The following ZFHX4 variants were observed in gnomAD, a reference collection of about 807,000 sequenced individuals.
ZFHX4 encodes the protein zinc finger homeobox protein 4.
A neutral mutation model predicts 267.6 loss-of-function variants in ZFHX4; 56 were observed. That is an observed-to-expected ratio of 0.21 (90% CI 0.17 to 0.26). The LOEUF is 0.26. ZFHX4 is among the 10% of genes least tolerant of loss of function. The pLI, the probability that ZFHX4 is intolerant of heterozygous loss-of-function variation, is 1.00. For missense variants in ZFHX4, 4,332 were observed against 4,420.0 expected (o/e 0.98, Z 0.56); for synonymous variants, 1,778 against 1,665.6 (o/e 1.07, Z -1.64).
chr8:76,857,070 A>G (rs1812749262), intron 10 of ZFHX4, among the ~76,000 whole-genome samples: 2 of 152,180 alleles, frequency 1.3e-5, no homozygotes, highest in African/African-American at 4.8e-5. Flanking sequence ...AGGCAACCTC[A>G]GATGCTGAAT....
At chr8:76,787,568 C>T (rs551335015) in intron 4 of ZFHX4, among the ~76,000 whole-genome samples, 7 of 149,706 alleles carry the variant, frequency 4.7e-5, no homozygotes, top group South Asian at 2.1e-4. Flanking sequence ...TTTGGAAGGC[C>T]GAGGTGGGCG....
At chr8:76,813,790 G>T (rs1481823723) in intron 4 of ZFHX4, among the ~76,000 whole-genome samples, 1 of 152,084 alleles carries the variant, frequency 6.6e-6, no homozygotes, top group African/African-American at 2.4e-5. Context: ...TAAGAGTTAA[G>T]TGTTTGGAGA....
At chr8:76,837,570 G>GAA (rs1812124787) in intron 5 of ZFHX4, among the ~76,000 whole-genome samples, 1 of 151,364 alleles carries the variant, frequency 6.6e-6, no homozygotes, top group African/African-American at 2.4e-5. Context: ...AGGGAAATAG[G>GAA]GGCTGGGGTA....
In ZFHX4 at chr8:76,864,543, G is replaced by A. The variant is rs777078846; in HGVS notation, c.10829G>A (p.Arg3610Gln). The part of the protein sequence containing the change: ...SGLDGNFNSI[R>Q]MDMFSV ...CTAGATGGTAATTTCAATAGCATCC[G>A]AATGGATATGTTCAGTGTGTAGGAG... The change falls in exon 11 of 11, where the codon CGA becomes CAA. Residue 3610 changes from arginine to glutamine, a missense_variant. Physicochemically the swap from Arg to Gln is conservative, Grantham distance 43. Around this residue, in one of 7 missense-constraint regions of ZFHX4, gnomAD observed 1,648 missense variants for 1,625.0 expected, o/e 1.01. Transcript: ENST00000651372. 26 of 1,608,714 alleles carry A rather than the reference G, an allele frequency of 1.6e-5. No homozygotes were observed. Among genetic ancestry groups the A allele is most frequent in the East Asian group, 2.2e-5 (1 of 44,764 alleles).
Position 76,854,728 on chromosome 8 carries a change from C to T in ZFHX4, c.7807C>T (p.His2603Tyr), listed in dbSNP as rs200717354. 1.9e-6 allele frequency: 3 copies of T among 1,612,990 alleles called. No individual in the cohort carries two copies. The highest frequency in any genetic ancestry group is 1.1e-5 in the South Asian group (1 of 90,962). Residue 2603 changes from histidine to tyrosine, a missense_variant, in exon 10 of 11, where the codon CAC becomes TAC. Physicochemically the swap from His to Tyr is moderately conservative, Grantham distance 83. This residue lies in a region of ZFHX4 where 1,648 missense variants were observed against 1,625.0 expected (regional missense o/e 1.01). Transcript: ENST00000651372. ...AGGAGGGAATAGCGGTGAAGACCAA[C>T]ACCGAGATAAACGCTTGAGAACCAC... ...KEGGNSGEDQ[H>Y]RDKRLRTTIT...
Position 76,853,038 on chromosome 8 carries a change from AC to A in ZFHX4, c.6120del (p.Thr2041LeufsTer42). 8.5e-7 allele frequency: 1 copy of A among 1,169,672 alleles called. No homozygotes were observed. The highest frequency in any genetic ancestry group is 1.2e-6 in the Non-Finnish European group (1 of 831,370). 72.5% of individuals were successfully genotyped at this position (1,169,672 alleles called of 1,614,324 possible). A position where few individuals can be genotyped will look rare whatever the true frequency, so the allele number is the denominator to read the frequency against. On this transcript the variant is annotated frameshift_variant, in exon 10 of 11. Coordinates refer to ENST00000651372, the MANE Select transcript of ZFHX4 (RefSeq NM_024721.5). LOFTEE classifies it high-confidence loss of function. ...TVSTPLQAPP[P>X]TPPPPPPPPP... is the part of the protein sequence containing the mutation. ...TTTCTACTCCTCTGCAAGCTCCACC[AC>A]CCACTCCTCCCCCACCACCACCACC...
intron 1 of ZFHX4, chr8:76,683,706 T>TC (rs1331772734): frequency 1.3e-5 from 2 of 150,762 alleles, no homozygotes; most frequent in East Asian, 3.9e-4. Context: ...GAGGAGGGTT[T>TC]TTTTTTTTTT....
chr8:76,759,428 A>G (rs1300082150), intron 3 of ZFHX4, among the ~76,000 whole-genome samples: 1 of 152,218 alleles, frequency 6.6e-6, no homozygotes, highest in Non-Finnish European at 1.5e-5. Context: ...CTTGGCATCA[A>G]TAGCATAGTG....
rs770762653 is a variant in ZFHX4, at chr8:76,854,754, G to T, written c.7833G>T (p.Thr2611=). The T allele has an allele frequency of 6.2e-7, 1 of 1,611,636 alleles. No homozygotes were observed. The highest frequency in any genetic ancestry group is 8.5e-7 in the Non-Finnish European group (1 of 1,178,850). The stretch of plus-strand genomic sequence containing the variant: ...ACCGAGATAAACGCTTGAGAACCAC[G>T]ATCACCCCGGAACAGCTGGAAATAC... ...DQHRDKRLRT[T]ITPEQLEILY... is the part of the protein sequence containing the mutation. Residue 2611 remains threonine, a synonymous_variant, in exon 10 of 11, where the codon ACG becomes ACT. Coordinates refer to ENST00000651372, the MANE Select transcript of ZFHX4 (RefSeq NM_024721.5).
In ZFHX4 at chr8:76,704,742, A is replaced by C; in HGVS notation, c.654A>C (p.Ala218=). The stretch of plus-strand genomic sequence containing the variant: ...CTTTCCCAAATACCTCAGCATTAGC[A>C]GGAGTTGGTCCTGTGTTGCACAGTT... ...DQAFPNTSAL[A]GVGPVLHSFR... is the part of the protein sequence containing the mutation. Residue 218 remains alanine, a synonymous_variant, in exon 2 of 11, where the codon GCA becomes GCC. Transcript: ENST00000651372. 1.2e-6 allele frequency: 2 copies of C among 1,614,008 alleles called. No individual in the cohort carries two copies. Among genetic ancestry groups the C allele is most frequent in the Non-Finnish European group, 1.7e-6 (2 of 1,179,884 alleles).
chr8:76,740,930 G>C (rs562844192), intron 3 of ZFHX4, among the ~76,000 whole-genome samples: 20 of 152,224 alleles, frequency 1.3e-4, no homozygotes, highest in South Asian at 8.3e-4. Context: ...CAGGGGCTCT[G>C]ATATAGTTTT....
At chr8:76,728,568 A>G (rs555880695) in intron 3 of ZFHX4, among the ~76,000 whole-genome samples, 2 of 152,316 alleles carry the variant, frequency 1.3e-5, no homozygotes, top group African/African-American at 4.8e-5. Flanking sequence ...CCCCATGTTA[A>G]TCAAGAGATG....
At chr8:76,847,346 G>A (rs1403395526) in intron 6 of ZFHX4, among the ~76,000 whole-genome samples, 1 of 152,004 alleles carries the variant, frequency 6.6e-6, no homozygotes, top group East Asian at 1.9e-4. Flanking sequence ...TTAAATCAGT[G>A]TAATGAAACT....
rs1375415864 is a variant in ZFHX4 at position 76,852,613 on chromosome 8, C to T, written c.5692C>T (p.Pro1898Ser). ...QKSLEPSIPP[P>S]RIASGARGNA... ...ATCCTTGGAACCATCCATCCCACCA[C>T]CCCGAATAGCTTCAGGGGCCAGAGG... Residue 1898 changes from proline (P) to serine (S), a missense_variant, in exon 10 of 11, where the codon CCC becomes TCC. Coordinates refer to ENST00000651372, the MANE Select transcript of ZFHX4 (RefSeq NM_024721.5). 5.6e-6 allele frequency: 9 copies of T among 1,612,496 alleles called. No individual in the cohort carries two copies. The highest frequency in any genetic ancestry group is 3.3e-5 in the Admixed American group (2 of 59,798).
At chr8:76,747,880 C>G (rs573827064) in intron 3 of ZFHX4, among the ~76,000 whole-genome samples, 1 of 152,000 alleles carries the variant, frequency 6.6e-6, no homozygotes, top group South Asian at 2.1e-4. Flanking sequence ...TGCAGTGAGC[C>G]GAGATTGCGT....
At chr8:76,808,125 C>T (rs1372436282) in intron 4 of ZFHX4, among the ~76,000 whole-genome samples, 1 of 151,946 alleles carries the variant, frequency 6.6e-6, no homozygotes, top group Non-Finnish European at 1.5e-5. Context: ...TTTTTAGCTA[C>T]CATTGATTAT....
chr8:76,707,927 T>C lies in ZFHX4; in HGVS notation c.2972T>C (p.Ile991Thr). 6.2e-7 allele frequency: 1 copy of C among 1,614,050 alleles called. No individual in the cohort carries two copies. Among genetic ancestry groups the C allele is most frequent in the South Asian group, 1.1e-5 (1 of 91,082 alleles). ...AGCAATGAGTGGAGGTTGAAGTGTA[T>C]TGCCATTGGCAACCCTGTTCACCTA... Reference protein sequence around the residue: ...GKSNEWRLKCIAIGNPVHLKC... With the variant: ...GKSNEWRLKCTAIGNPVHLKC... Residue 991 changes from isoleucine (I) to threonine (T), a missense_variant, in exon 3 of 11, where the codon ATT becomes ACT. Physicochemically the swap from Ile to Thr is moderately conservative, Grantham distance 89 (BLOSUM62 -1). Around this residue, in one of 7 missense-constraint regions of ZFHX4, gnomAD observed 1,371 missense variants for 1,423.1 expected, o/e 0.96. Coordinates refer to ENST00000651372, the MANE Select transcript of ZFHX4 (RefSeq NM_024721.5).
intron 4 of ZFHX4, among the ~76,000 whole-genome samples, chr8:76,806,915 A>C (rs1175913705): frequency 6.6e-6 from 1 of 152,068 alleles, no homozygotes; most frequent in African/African-American, 2.4e-5. Flanking sequence ...CTTGGGACTG[A>C]ATAGTGCTTA....
Position 76,842,726 on chromosome 8 carries a change from AGT to A in ZFHX4, c.3468_3469del (p.Ser1156ArgfsTer5). On this transcript the variant is annotated frameshift_variant, in exon 6 of 11. Coordinates refer to ENST00000651372, the MANE Select transcript of ZFHX4 (RefSeq NM_024721.5). LOFTEE classifies it high-confidence loss of function. ...AVAEDDEKDTSERDNSEGKNS... is the reference protein window; with the variant it reads ...AVAEDDEKDTXERDNSEGKNS... ...GGCCGAGGACGATGAAAAAGACACAAGTGAGAGAGACAATAGTGAAGGCAAAA... is the reference window on the plus strand; with the variant it reads ...GGCCGAGGACGATGAAAAAGACACAAGAGAGAGACAATAGTGAAGGCAAAA... 1 of 1,554,776 alleles carries A rather than the reference AGT, an allele frequency of 6.4e-7. No homozygotes were observed. The highest frequency in any genetic ancestry group is 1.4e-5 in the African/African-American group (1 of 73,248).
Sources: gnomAD v4.1 joint callset for allele counts (sites outside exome capture counted in the v4.1 genomes callset) on GRCh38, gnomAD v4.1.1 for gene constraint, gnomAD v4.1.1 regional missense constraint, MANE v1.5 for transcripts, NCBI Gene and HGNC (gene_info 2026-07-23, HGNC 2026-07-21) for gene names.